Variants in TSHZ2 observed in about 807,000 individuals in gnomAD.
TSHZ2 encodes teashirt homolog 2.
Under a neutral mutation model 74.4 loss-of-function variants are expected in TSHZ2, and 21 were observed. The observed-to-expected ratio is 0.28, with a 90% CI of 0.20 to 0.41. The LOEUF is 0.41. Among genes scored for constraint, TSHZ2 ranks in the 10% least tolerant of loss-of-function variants. The pLI, the probability that TSHZ2 is intolerant of heterozygous loss-of-function variation, is 1.00. For synonymous variants in TSHZ2, 540 were observed against 515.3 expected, an observed-to-expected ratio of 1.05 and a Z score of -0.65; for missense variants, 1,244 against 1,293.5, an observed-to-expected ratio of 0.96 and a Z score of 0.59.
intron 1 of TSHZ2, among the ~76,000 whole-genome samples, chr20:53,214,256 G>T (rs1445342354): frequency 6.6e-6 from 1 of 152,130 alleles, no homozygotes; most frequent in Non-Finnish European, 1.5e-5. Context: ...TATGTTACGG[G>T]GGTGGCAGGG....
intron 2 of TSHZ2, among the ~76,000 whole-genome samples, chr20:53,353,360 T>C (rs927480988): frequency 2.0e-5 from 3 of 152,204 alleles, no homozygotes; most frequent in Non-Finnish European, 4.4e-5. Context: ...AATATTTTGT[T>C]TGTATTTCTC....
rs1054459816 is a variant in TSHZ2 at position 53,256,427 on chromosome 20, C to T, written c.2969C>T (p.Thr990Ile). ...SPETIAAEEDTDSKFKCKLCC... is the reference protein window; with the variant it reads ...SPETIAAEEDIDSKFKCKLCC... Reference sequence around the variant, plus strand: ...GAAACAATAGCTGCCGAAGAGGACACAGACTCTAAATTCAAGTGTAAGTTG... The same window carrying T: ...GAAACAATAGCTGCCGAAGAGGACATAGACTCTAAATTCAAGTGTAAGTTG... The change falls in exon 2 of 3, where the codon ACA becomes ATA. Residue 990 changes from threonine to isoleucine, a missense_variant. By Grantham distance (89) the Thr-to-Ile change is moderately conservative. Around this residue, in one of 6 missense-constraint regions of TSHZ2, gnomAD observed 185 missense variants for 213.3 expected, o/e 0.87. Coordinates refer to ENST00000371497, the MANE Select transcript of TSHZ2 (RefSeq NM_173485.6). This position sits in a 1 kb window ranked among gnomAD's most constrained non-coding sequence, Gnocchi z 4.3. 10 of 1,614,160 alleles carry T rather than the reference C, an allele frequency of 6.2e-6. No individual in the cohort carries two copies. In the South Asian group the frequency reaches 8.8e-5, roughly 14 times the overall value.
chr20:53,486,600 G>C (rs1049620037), intron 2 of TSHZ2, among the ~76,000 whole-genome samples: 1 of 152,078 alleles, frequency 6.6e-6, no homozygotes, highest in Non-Finnish European at 1.5e-5. Flanking sequence ...GGATCACTTG[G>C]GCCTGGCAGG....
At chr20:53,129,889 C>G (rs6097249) in intron 1 of TSHZ2, among the ~76,000 whole-genome samples, 1 of 151,758 alleles carries the variant, frequency 6.6e-6, no homozygotes, top group Non-Finnish European at 1.5e-5. Flanking sequence ...TCACCAGGTC[C>G]TGCTTAATAT....
intron 2 of TSHZ2, among the ~76,000 whole-genome samples, chr20:53,350,440 TTTTGTTATG>T (rs1425490111): frequency 6.6e-6 from 1 of 152,206 alleles, no homozygotes; most frequent in Admixed American, 6.5e-5. Context: ...TTTGTAAGGA[TTTTGTTATG>T]TTTGACCAGC....
At chr20:53,327,019 T>C (rs1445974781) in intron 2 of TSHZ2, among the ~76,000 whole-genome samples, 2 of 152,240 alleles carry the variant, frequency 1.3e-5, no homozygotes, top group African/African-American at 4.8e-5. Context: ...GAGAAGGTTG[T>C]GGAAACCGTA....
intron 2 of TSHZ2, among the ~76,000 whole-genome samples, chr20:53,472,383 C>T (rs1261605972): frequency 6.6e-6 from 1 of 152,168 alleles, no homozygotes; most frequent in East Asian, 1.9e-4. Flanking sequence ...CAGTCAAAGA[C>T]GACCGAACTT....
At position 53,255,325 on chromosome 20, in the gene TSHZ2, G is replaced by A; in HGVS notation, c.1867G>A (p.Ala623Thr). The A allele has an allele frequency of 1.2e-6, 2 of 1,614,048 alleles. No individual in the cohort carries two copies. The highest frequency in any genetic ancestry group is 1.3e-5 in the African/African-American group (1 of 75,010). Residue 623 changes from alanine to threonine, a missense_variant, in exon 2 of 3, where the codon GCC (alanine) becomes ACC (threonine). Physicochemically the swap from Ala to Thr is moderately conservative, Grantham distance 58. Coordinates refer to ENST00000371497, the MANE Select transcript of TSHZ2 (RefSeq NM_173485.6). This position sits in a 1 kb window ranked among gnomAD's most constrained non-coding sequence, Gnocchi z 4.1. ...ECGKESPHEE[A>T]SSFSHSEGDS... ...TGGGAAAGAAAGTCCCCACGAAGAG[G>A]CCTCATCTTTCAGCCACAGTGAGGG...
At chr20:53,141,909 CA>C (rs1167061740) in intron 1 of TSHZ2, among the ~76,000 whole-genome samples, 1 of 152,242 alleles carries the variant, frequency 6.6e-6, no homozygotes, top group Admixed American at 6.5e-5. Context: ...CTTCCCACAA[CA>C]GCCACCAGGC....
chr20:53,398,095 G>T (rs558510341), intron 2 of TSHZ2: 15 of 152,142 alleles, frequency 9.9e-5, no homozygotes, highest in African/African-American at 3.4e-4. Context: ...AAACCTGCAC[G>T]TTGTGCACAT....
intron 2 of TSHZ2, among the ~76,000 whole-genome samples, chr20:53,395,642 T>C (rs1275145368): frequency 3.3e-5 from 5 of 152,234 alleles, no homozygotes; most frequent in Admixed American, 3.3e-4. Flanking sequence ...CCCTTCCAAA[T>C]GTTTTTCAAT....
intron 2 of TSHZ2, among the ~76,000 whole-genome samples, chr20:53,402,429 G>C (rs1054714071): frequency 9.2e-5 from 14 of 152,186 alleles, no homozygotes; most frequent in Non-Finnish European, 1.9e-4. Flanking sequence ...TTGTAGCCTA[G>C]GAGCCACAGG....
chr20:53,206,897 G>C (rs188456448), intron 1 of TSHZ2, among the ~76,000 whole-genome samples: 2 of 152,170 alleles, frequency 1.3e-5, no homozygotes, highest in Admixed American at 1.3e-4. Flanking sequence ...CTCCTATTTT[G>C]CTCCCATCCA....
chr20:53,277,515 C>A (rs1451080349), intron 2 of TSHZ2, among the ~76,000 whole-genome samples: 1 of 151,712 alleles, frequency 6.6e-6, no homozygotes, highest in Non-Finnish European at 1.5e-5. Flanking sequence ...TGGACTCATG[C>A]ACAGAGCAAT....
intron 1 of TSHZ2, among the ~76,000 whole-genome samples, chr20:53,078,796 C>G (rs1044191509): frequency 6.6e-6 from 1 of 151,932 alleles, no homozygotes; most frequent in Non-Finnish European, 1.5e-5. Flanking sequence ...TTTAGAGGTA[C>G]GCTGGGAATA....
chr20:53,411,968 T>C lies in TSHZ2; in HGVS notation c.*9-75176T>C, dbSNP rs188986630. ...TGTTAAAACATGCATACATGTTGAA[T>C]AGGCATGTTGCCTGAAGGGTGATCA... On this transcript the variant is annotated intron_variant, in intron 2 of 2. Coordinates refer to ENST00000371497, the MANE Select transcript of TSHZ2 (RefSeq NM_173485.6). Among the ~76,000 whole-genome samples, 123 of 152,354 alleles carry C rather than the reference T, an allele frequency of 8.1e-4. 2 individuals carry two copies. The highest frequency in any genetic ancestry group is 6.9e-3 in the Admixed American group (106 of 15,300).
intron 2 of TSHZ2, among the ~76,000 whole-genome samples, chr20:53,478,062 TG>T (rs895754833): frequency 4.2e-5 from 6 of 142,174 alleles, no homozygotes; most frequent in African/African-American, 1.1e-4. Context: ...ACACTGTTGG[TG>T]GGACTGTAAA....
intron 2 of TSHZ2, among the ~76,000 whole-genome samples, chr20:53,290,268 A>G (rs1396670178): frequency 2.0e-5 from 3 of 151,576 alleles, no homozygotes; most frequent in Non-Finnish European, 4.4e-5. Flanking sequence ...TGGCCCCTAT[A>G]TGCACTGCAA....
At chr20:53,132,054 G>A (rs985462135) in intron 1 of TSHZ2, among the ~76,000 whole-genome samples, 34 of 152,176 alleles carry the variant, frequency 2.2e-4, no homozygotes, top group African/African-American at 8.2e-4. Flanking sequence ...GGAGTAGAAG[G>A]AACCTCACAT....
Sources: allele counts gnomAD v4.1 joint callset (sites outside exome capture counted in the v4.1 genomes callset), GRCh38; gene constraint gnomAD v4.1.1; regional missense constraint gnomAD v4.1.1; non-coding constraint Gnocchi (gnomAD v3.1); transcripts MANE v1.5; gene names NCBI Gene and HGNC (gene_info 2026-07-23, HGNC 2026-07-21).